The following DDRGK1 variants were observed in gnomAD, a reference collection of about 807,000 sequenced individuals.
DDRGK1 encodes DDRGK domain containing 1.
DDRGK1 carries 38 observed loss-of-function variants against 45.8 expected under a neutral mutation model. That is an observed-to-expected ratio of 0.83 (90% CI 0.64 to 1.09). DDRGK1 has a LOEUF of 1.09. Among genes scored for constraint, DDRGK1 ranks in the 50% least tolerant of loss-of-function variants. DDRGK1 has a pLI of 0.00. For synonymous variants in DDRGK1, 171 were observed against 168.7 expected (o/e 1.01, Z -0.11); for missense variants, 403 against 419.9 (o/e 0.96, Z 0.35).
intron 4 of DDRGK1, among the ~76,000 whole-genome samples, chr20:3,196,716 G>A (rs1450308947): frequency 1.3e-5 from 2 of 151,884 alleles, no homozygotes; most frequent in African/African-American, 2.4e-5. Context: ...CTAAAGCTGA[G>A]GCAAGTAATA....
At position 3,200,105 on chromosome 20, in the gene DDRGK1, G is replaced by A. The variant is rs756064483; in HGVS notation, c.409-3C>T. 1.2e-6 allele frequency: 2 copies of A among 1,612,824 alleles called. No homozygotes were observed. Among genetic ancestry groups the A allele is most frequent in the South Asian group, 1.1e-5 (1 of 90,886 alleles). ...TCCTCACGTTCAGCCTCCTCTGCCT[G>A]GAGAGAGGTCTTCATAGGGGCACAT... On this transcript the variant is annotated splice_region_variant and splice_polypyrimidine_tract_variant and intron_variant, in intron 3 of 8. Coordinates refer to ENST00000354488, the MANE Select transcript of DDRGK1 (RefSeq NM_023935.3).
rs1275441493 is a variant in DDRGK1 at position 3,203,422 on chromosome 20, G to A, written c.92-6C>T. 1 of 1,547,580 alleles carries A rather than the reference G, an allele frequency of 6.5e-7. No homozygotes were observed. The highest frequency in any genetic ancestry group is 1.2e-5 in the South Asian group (1 of 83,284). The stretch of plus-strand genomic sequence containing the variant: ...GTGCAGTGGCTCTTGGCCGGCTGTA[G>A]GGAAGACAGAAATGACAATGCTGCC... On this transcript the variant is annotated splice_polypyrimidine_tract_variant and splice_region_variant and intron_variant, in intron 1 of 8. Transcript: ENST00000354488.
At chr20:3,196,450 G>C (rs143465142) in intron 4 of DDRGK1, among the ~76,000 whole-genome samples, 2,698 of 151,986 alleles carry the variant, frequency 0.018, 28 homozygotes, top group Middle Eastern at 0.061. Context: ...GGCCAAGGCG[G>C]GCGGATCACG....
intron 7 of DDRGK1, chr20:3,191,472 C>A: frequency 1.5e-6 from 1 of 660,728 alleles, no homozygotes; most frequent in Non-Finnish European, 2.7e-6. Flanking sequence ...GTGATGTTTG[C>A]AACACAGGCT....
intron 7 of DDRGK1, chr20:3,191,458 G>A (rs2066989036): frequency 3.0e-6 from 2 of 658,948 alleles, no homozygotes; most frequent in Non-Finnish European, 5.4e-6. Context: ...TTAGAAGCGG[G>A]GCAGTGATGT....
chr20:3,200,298 C>G, intron 3 of DDRGK1, 44 bp downstream of exon 3: 1 of 1,539,136 alleles, frequency 6.5e-7, no homozygotes, highest in Non-Finnish European at 8.8e-7. Flanking sequence ...GAAGGCAGTG[C>G]CCTTTCGCAC....
intron 2 of DDRGK1, 136 bp from the exon 3 acceptor site, chr20:3,200,590 C>A: frequency 1.4e-6 from 1 of 726,982 alleles, no homozygotes; most frequent in South Asian, 1.7e-5. Flanking sequence ...CCCAGCTCTG[C>A]CCTCCAGAGG....
intron 1 of DDRGK1, 67 bp downstream of exon 1, chr20:3,204,470 G>A (rs902716757): frequency 8.9e-6 from 13 of 1,467,968 alleles, no homozygotes; most frequent in African/African-American, 5.6e-5. Flanking sequence ...GCGGCGCGAC[G>A]GTCCACAAAG....
At position 3,191,256 on chromosome 20, in the gene DDRGK1, C is replaced by G; in HGVS notation, c.730-18G>C. 6.2e-7 allele frequency: 1 copy of G among 1,614,040 alleles called. No homozygotes were observed. ...ATGGTGTCCTATGAGGAGAACAACT[C>G]TCAGAATAGAGATAGGCACCAATGT... On this transcript the variant is annotated intron_variant, in intron 7 of 8. Coordinates refer to ENST00000354488, the MANE Select transcript of DDRGK1 (RefSeq NM_023935.3).
chr20:3,198,451 A>T (rs988518476), intron 4 of DDRGK1, among the ~76,000 whole-genome samples: 13 of 149,110 alleles, frequency 8.7e-5, no homozygotes, highest in Non-Finnish European at 1.6e-4. Context: ...CTGTAATCCC[A>T]GCGCTTCGGG....
At position 3,190,736 on chromosome 20, in the gene DDRGK1, G is replaced by A. The variant is rs763392869; in HGVS notation, c.862C>T (p.Arg288Trp). Residue 288 changes from arginine (R) to tryptophan (W), a missense_variant, in exon 9 of 9, where the codon CGG becomes TGG. By Grantham distance (101) the Arg-to-Trp change is moderately radical. Coordinates refer to ENST00000354488, the MANE Select transcript of DDRGK1 (RefSeq NM_023935.3). Reference protein sequence around the residue: ...AVANFIRQRGRVSIAELAQAS... With the variant: ...AVANFIRQRGWVSIAELAQAS... Reference sequence around the variant, plus strand: ...TGGGCAAGCTCGGCGATGGACACCCGGCCCCGCTGTCGGATGAAGTTGGCC... The same window carrying A: ...TGGGCAAGCTCGGCGATGGACACCCAGCCCCGCTGTCGGATGAAGTTGGCC... The A allele has an allele frequency of 4.8e-5, 77 of 1,613,996 alleles. No homozygotes were observed. The highest frequency in any genetic ancestry group is 6.0e-5 in the Non-Finnish European group (71 of 1,180,006).
chr20:3,204,510 C>T, intron 1 of DDRGK1, 27 bp downstream of exon 1: 1 of 1,542,990 alleles, frequency 6.5e-7, no homozygotes. Context: ...CCGGTACCAC[C>T]AACCCTGGTG....
At chr20:3,201,478 CAA>C (rs1191917763) in intron 2 of DDRGK1, among the ~76,000 whole-genome samples, 47 of 69,272 alleles carry the variant, frequency 6.8e-4, no homozygotes, top group African/African-American at 1.1e-3. Context: ...GACTCTGTCT[CAA>C]AAAAAAAAAA....
At chr20:3,198,563 G>A (rs530944837) in intron 4 of DDRGK1, among the ~76,000 whole-genome samples, 91 of 149,288 alleles carry the variant, frequency 6.1e-4, no homozygotes, top group African/African-American at 2.2e-3. Context: ...AGCCGGGCGT[G>A]GTGGCACATG....
At chr20:3,194,711 C>T in intron 6 of DDRGK1, 119 bp downstream of exon 6, 3 of 1,335,180 alleles carry the variant, frequency 2.2e-6, no homozygotes, top group African/African-American at 1.4e-5. Context: ...CCCCTCTGGG[C>T]CCCCCTGTCC....
chr20:3,201,664 T>G (rs551787495), intron 2 of DDRGK1, among the ~76,000 whole-genome samples: 2 of 149,360 alleles, frequency 1.3e-5, no homozygotes, highest in Non-Finnish European at 3.0e-5. Context: ...TTTTTTTGGT[T>G]TTTTTTTTTT....
At chr20:3,193,181 C>T (rs954344688) in intron 6 of DDRGK1, among the ~76,000 whole-genome samples, 3 of 152,156 alleles carry the variant, frequency 2.0e-5, no homozygotes, top group African/African-American at 4.8e-5. Context: ...GGAACAAGAT[C>T]GAGTGAACCC....
At position 3,200,104 on chromosome 20, in the gene DDRGK1, T is replaced by G; in HGVS notation, c.409-2A>C. ...CTCCTCACGTTCAGCCTCCTCTGCC[T>G]GGAGAGAGGTCTTCATAGGGGCACA... On this transcript the variant is annotated splice_acceptor_variant, in intron 3 of 8. Transcript: ENST00000354488. LOFTEE classifies it high-confidence loss of function. The G allele has an allele frequency of 6.2e-7, 1 of 1,605,850 alleles. No homozygotes were observed. Among genetic ancestry groups the G allele is most frequent in the Non-Finnish European group, 8.5e-7 (1 of 1,175,176 alleles).
In DDRGK1 at chr20:3,195,171, G is replaced by A. The variant is rs936987672; in HGVS notation, c.633+60C>T. 3.2e-4 allele frequency: 521 copies of A among 1,610,812 alleles called. 1 individual carries two copies. Among genetic ancestry groups the A allele is most frequent in the Non-Finnish European group, 2.0e-4 (236 of 1,178,774 alleles). ...TCTGGGATGGGGTGGCTAGCCTTGC[G>A]TCTGGCACAGGCTGCACTGATGGGT... On this transcript the variant is annotated intron_variant, in intron 5 of 8. Transcript: ENST00000354488.
Sources: allele counts gnomAD v4.1 joint callset (sites outside exome capture counted in the v4.1 genomes callset), GRCh38; gene constraint gnomAD v4.1.1; transcripts MANE v1.5; gene names NCBI Gene and HGNC (gene_info 2026-07-23, HGNC 2026-07-21).